Variants in SSU72 observed in about 807,000 individuals in gnomAD.
SSU72 encodes the protein SSU72 homolog, RNA polymerase II CTD phosphatase.
SSU72 carries 12 observed loss-of-function variants against 22.7 expected under a neutral mutation model. The ratio of observed to expected loss-of-function variants is 0.53; its 90% CI spans 0.34 to 0.86. The LOEUF (loss-of-function observed/expected upper bound fraction) is 0.86. Among genes scored for constraint, SSU72 ranks in the 40% least tolerant of loss-of-function variants. SSU72 has a pLI of 0.02. For missense variants in SSU72, 151 were observed against 249.8 expected (o/e 0.60, Z 2.67); for synonymous variants, 116 against 98.3 (o/e 1.18, Z -1.06).
intron 2 of SSU72, chr1:1,564,445 A>C: frequency 6.8e-7 from 1 of 1,463,278 alleles, no homozygotes; most frequent in Non-Finnish European, 9.0e-7. Context: ...GCAGCCCTGC[A>C]GTGTGAAAAG....
rs928368872 is a variant in SSU72 at position 1,574,420 on chromosome 1, A to C, written c.80+58T>G. 4 of 1,525,412 alleles carry C rather than the reference A, an allele frequency of 2.6e-6. No individual in the cohort carries two copies. In the South Asian group the frequency reaches 3.6e-5, roughly 14 times the overall value. 94.5% of individuals were successfully genotyped at this position (1,525,412 alleles called of 1,614,324 possible). A position where few individuals can be genotyped will look rare whatever the true frequency, so the allele number is the denominator to read the frequency against. ...TGGCGCGGGCCAGGGGGAACCGGGG[A>C]GGAGGGAGGGCCGGTCGCCGGAGCA... On this transcript the variant is annotated intron_variant, in intron 1 of 4. Transcript: ENST00000291386.
intron 2 of SSU72, among the ~76,000 whole-genome samples, chr1:1,556,740 G>A (rs992167300): frequency 3.9e-5 from 6 of 152,176 alleles, no homozygotes; most frequent in Non-Finnish European, 5.9e-5. Flanking sequence ...ATGGCCTTGC[G>A]ACTGCAGGCA....
intron 2 of SSU72, among the ~76,000 whole-genome samples, chr1:1,549,093 T>A (rs976781396): frequency 1.3e-5 from 2 of 151,930 alleles, no homozygotes; most frequent in Admixed American, 1.3e-4. Context: ...TGGAATATTG[T>A]CTCATGCAAC....
intron 2 of SSU72, among the ~76,000 whole-genome samples, chr1:1,553,014 G>A (rs1174065448): frequency 5.4e-5 from 6 of 110,274 alleles, no homozygotes; most frequent in Non-Finnish European, 1.0e-4. Context: ...GAATGAGACT[G>A]TCTCAAAAAA....
chr1:1,570,806 CAGT>C (rs1642719321), intron 1 of SSU72, among the ~76,000 whole-genome samples: 1 of 152,188 alleles, frequency 6.6e-6, no homozygotes, highest in Non-Finnish European at 1.5e-5. Context: ...TCATTTTCTA[CAGT>C]AAGAATTTCT....
At chr1:1,568,754 G>A (rs894647555) in intron 1 of SSU72, among the ~76,000 whole-genome samples, 1 of 150,138 alleles carries the variant, frequency 6.7e-6, no homozygotes, top group Admixed American at 6.6e-5. Flanking sequence ...GAGAAACCCC[G>A]TCTCTACTAA....
chr1:1,544,476 G>C (rs1437013139), intron 3 of SSU72, among the ~76,000 whole-genome samples: 1 of 152,074 alleles, frequency 6.6e-6, no homozygotes, highest in Non-Finnish European at 1.5e-5. Context: ...AAATCAGCTG[G>C]GTGTGGTGGC....
intron 2 of SSU72, 177 bp from the exon 3 acceptor site, chr1:1,545,179 G>A (rs1447895811): frequency 7.2e-6 from 5 of 695,062 alleles, no homozygotes; most frequent in Non-Finnish European, 1.2e-5. Flanking sequence ...TGTCCTAGGA[G>A]GTCCCACAGA....
rs1477624273 is a variant in SSU72 at position 1,542,862 on chromosome 1, T to C, written c.484-695A>G. Among the ~76,000 whole-genome samples, 3 of 152,180 alleles carry C rather than the reference T, an allele frequency of 2.0e-5. No individual in the cohort carries two copies. The highest frequency in any genetic ancestry group is 1.9e-4 in the East Asian group (1 of 5,184). ...GTCCCTGGCGCTTCAGCAGCCACAC[T>C]GGACCGTGAGGCACGTGGGGACCAG... On this transcript the variant is annotated intron_variant, in intron 4 of 4. Transcript: ENST00000291386. This position sits in a 1 kb window ranked among gnomAD's most constrained non-coding sequence, Gnocchi z 4.4.
Position 1,541,708 on chromosome 1 carries a change from A to T in SSU72, c.*358T>A, listed in dbSNP as rs989067341. On this transcript the variant is annotated 3_prime_UTR_variant, in exon 5 of 5. Transcript: ENST00000291386. Reference sequence around the variant, plus strand: ...ATCTGTTTATTGACAATTCCAGGTCATTCCTAACACGCCGCAGCAGGGCTC... The same window carrying T: ...ATCTGTTTATTGACAATTCCAGGTCTTTCCTAACACGCCGCAGCAGGGCTC... 8.1e-6 allele frequency: 2 copies of T among 246,690 alleles called. No homozygotes were observed. The highest frequency in any genetic ancestry group is 4.6e-5 in the African/African-American group (2 of 43,276). 15.3% of individuals were successfully genotyped at this position (246,690 alleles called of 1,614,324 possible). A position where few individuals can be genotyped will look rare whatever the true frequency, so the allele number is the denominator to read the frequency against.
Position 1,544,853 on chromosome 1 carries a change from G to C in SSU72, c.364+10C>G. The C allele has an allele frequency of 6.2e-7, 1 of 1,614,058 alleles. No homozygotes were observed. Among genetic ancestry groups the C allele is most frequent in the Non-Finnish European group, 8.5e-7 (1 of 1,179,994 alleles). On this transcript the variant is annotated intron_variant, in intron 3 of 4. Transcript: ENST00000291386. ...CTGGAGCCCAGCCCAGCACGCAGCC[G>C]CCTCCTCACCTTCCACCACCTGGTC...
At chr1:1,574,425 G>C in intron 1 of SSU72, 53 bp downstream of exon 1, 1 of 1,538,778 alleles carries the variant, frequency 6.5e-7, no homozygotes, top group Non-Finnish European at 8.8e-7. Context: ...CGGGGAGGAG[G>C]GAGGGCCGGT....
Position 1,554,050 on chromosome 1 carries a change from C to T in SSU72, c.225-9048G>A, listed in dbSNP as rs1040857787. The stretch of plus-strand genomic sequence containing the variant: ...GGACGTCAGGTGGCCACGGAGACCA[C>T]GTGTCAGTGGCCAGGGCCTCTAAAG... On this transcript the variant is annotated intron_variant, in intron 2 of 4. Transcript: ENST00000291386. The surrounding 1 kb of genome is among the most constrained non-coding windows in gnomAD (Gnocchi z 4.1). 2.0e-5 allele frequency among the ~76,000 whole-genome samples: 3 copies of T among 152,176 alleles called. No individual in the cohort carries two copies. The highest frequency in any genetic ancestry group is 7.2e-5 in the African/African-American group (3 of 41,444).
Position 1,564,362 on chromosome 1 carries a change from G to C in SSU72, c.224+411C>G. The stretch of plus-strand genomic sequence containing the variant: ...CTAACGACCTCACCAGATGTGTGAA[G>C]CAGCCCGGCTCCATGTGTATCAGGC... On this transcript the variant is annotated intron_variant, in intron 2 of 4. Transcript: ENST00000291386. The C allele has an allele frequency of 4.7e-6, 5 of 1,073,336 alleles. No individual in the cohort carries two copies. In the South Asian group the frequency reaches 9.1e-5, roughly 19 times the overall value. 66.5% of individuals were successfully genotyped at this position (1,073,336 alleles called of 1,614,324 possible). A position where few individuals can be genotyped will look rare whatever the true frequency, so the allele number is the denominator to read the frequency against.
At chr1:1,543,077 G>C (rs943739637) in intron 4 of SSU72, among the ~76,000 whole-genome samples, 1 of 152,364 alleles carries the variant, frequency 6.6e-6, no homozygotes, top group Non-Finnish European at 1.5e-5. Flanking sequence ...GGCAGAGGCG[G>C]GACGGTGCGT....
chr1:1,559,088 G>C (rs539381369), intron 2 of SSU72, among the ~76,000 whole-genome samples: 3 of 152,362 alleles, frequency 2.0e-5, no homozygotes, highest in Middle Eastern at 3.4e-3. Flanking sequence ...GACACCCAGC[G>C]CAAAGCTGCT....
chr1:1,543,502 G>T (rs1254811326), intron 4 of SSU72, among the ~76,000 whole-genome samples: 1 of 152,164 alleles, frequency 6.6e-6, no homozygotes, highest in Non-Finnish European at 1.5e-5. Flanking sequence ...CAAAGCTGTG[G>T]AGTGACTCAC....
At chr1:1,560,241 A>G (rs894332479) in intron 2 of SSU72, among the ~76,000 whole-genome samples, 1 of 152,116 alleles carries the variant, frequency 6.6e-6, no homozygotes, top group Admixed American at 6.6e-5. Flanking sequence ...CTGGAGCACA[A>G]TGGCGCAATC....
rs1451983654 is a variant in SSU72, at chr1:1,554,654, A to G, written c.225-9652T>C. Among the ~76,000 whole-genome samples, 1 of 152,106 alleles carries G rather than the reference A, an allele frequency of 6.6e-6. No homozygotes were observed. The highest frequency in any genetic ancestry group is 1.5e-5 in the Non-Finnish European group (1 of 68,006). On this transcript the variant is annotated intron_variant, in intron 2 of 4. Coordinates refer to ENST00000291386, the MANE Select transcript of SSU72 (RefSeq NM_014188.3). The surrounding 1 kb of genome is among the most constrained non-coding windows in gnomAD (Gnocchi z 4.1). ...GGACCACACTACCCTGCTATGAGTCACCAGGGACTTGAAAGGGAACCCACA... is the reference window on the plus strand; with the variant it reads ...GGACCACACTACCCTGCTATGAGTCGCCAGGGACTTGAAAGGGAACCCACA...
Sources: gnomAD v4.1 joint callset for allele counts (sites outside exome capture counted in the v4.1 genomes callset) on GRCh38, gnomAD v4.1.1 for gene constraint, Gnocchi (gnomAD v3.1) non-coding constraint, MANE v1.5 for transcripts, NCBI Gene and HGNC (gene_info 2026-07-23, HGNC 2026-07-21) for gene names.